KBTBD13: variants seen among roughly 807,000 people sequenced by gnomAD.
The protein encoded by KBTBD13 is kelch repeat and BTB domain-containing protein 13.
A neutral mutation model predicts 25.4 loss-of-function variants in KBTBD13; 32 were observed. The observed-to-expected ratio is 1.26, with a 90% CI of 0.95 to 1.69. The LOEUF (loss-of-function observed/expected upper bound fraction) is 1.69, where lower values mean the gene tolerates loss of function less well. KBTBD13 is among the 40% of genes most tolerant of loss of function. KBTBD13 has a pLI of 0.00. For missense variants in KBTBD13, 898 were observed against 679.5 expected (o/e 1.32, Z -3.57); for synonymous variants, 436 against 329.8 (o/e 1.32, Z -3.49).
rs770087291 is a variant in KBTBD13, at chr15:65,077,014, G to T, written c.199G>T (p.Gly67Cys). ...GFRATLQVLR[G>C]DRPALAAEDE... ...CCGCGCCACGCTGCAGGTGCTGCGC[G>T]GCGACCGGCCGGCGCTGGCGGCGGA... is the stretch of plus-strand genomic sequence containing the variant. Residue 67 changes from glycine to cysteine, a missense_variant, in exon 1 of 1, where the codon GGC (glycine) becomes TGC (cysteine). Coordinates refer to ENST00000432196, the MANE Select transcript of KBTBD13 (RefSeq NM_001101362.3). 1.3e-6 allele frequency: 2 copies of T among 1,511,532 alleles called. No individual in the cohort carries two copies. Among genetic ancestry groups the T allele is most frequent in the Admixed American group, 2.1e-5 (1 of 47,478 alleles). The allele number at this position is 1,511,532 out of a possible 1,614,324, so 93.6% of individuals were successfully genotyped here. A position where few individuals can be genotyped will look rare whatever the true frequency, so the allele number is the denominator to read the frequency against.
Position 65,077,709 on chromosome 15 carries a change from G to T in KBTBD13, c.894G>T (p.Val298=). ...ACCTGCCGCAGCCGGCCGCCGGCGT[G>T]CCCTGCGCCCAGGCTTGTGGCCGTC... The part of the protein sequence containing the change: ...VADLPQPAAG[V]PCAQACGRLF... The change falls in exon 1 of 1, where the codon GTG becomes GTT. Residue 298 remains valine (V), a synonymous_variant. Transcript: ENST00000432196. 1 of 1,585,544 alleles carries T rather than the reference G, an allele frequency of 6.3e-7. No individual in the cohort carries two copies. Among genetic ancestry groups the T allele is most frequent in the Non-Finnish European group, 8.5e-7 (1 of 1,170,744 alleles).
chr15:65,077,090 C>T lies in KBTBD13; in HGVS notation c.275C>T (p.Ala92Val), dbSNP rs1259207440. 6.6e-7 allele frequency: 1 copy of T among 1,521,952 alleles called. No individual in the cohort carries two copies. The highest frequency in any genetic ancestry group is 2.0e-5 in the Admixed American group (1 of 49,552). The allele number at this position is 1,521,952 out of a possible 1,614,324, so 94.3% of individuals were successfully genotyped here. A position where few individuals can be genotyped will look rare whatever the true frequency, so the allele number is the denominator to read the frequency against. ...VECAAFLQAP[A>V]LARFLEHNLT... ...TGCGCCGCCTTCCTCCAGGCGCCGG[C>T]GCTGGCTCGCTTTCTGGAGCACAAC... Residue 92 changes from alanine to valine, a missense_variant, in exon 1 of 1, where the codon GCG (alanine) becomes GTG (valine). Coordinates refer to ENST00000432196, the MANE Select transcript of KBTBD13 (RefSeq NM_001101362.3).
rs1269389678 is a variant in KBTBD13 at position 65,077,300 on chromosome 15, C to G, written c.485C>G (p.Thr162Arg). Residue 162 changes from threonine to arginine, a missense_variant, in exon 1 of 1, where the codon ACG (threonine) becomes AGG (arginine). By Grantham distance (71) the Thr-to-Arg change is moderately conservative. Transcript: ENST00000432196. ...LRPSSYAAVSTHTPAPGFLED... is the reference protein window; with the variant it reads ...LRPSSYAAVSRHTPAPGFLED... ...CCCAGCAGCTACGCGGCCGTGAGCA[C>G]GCACACGCCCGCGCCCGGCTTCCTG... 5.7e-6 allele frequency: 8 copies of G among 1,406,806 alleles called. No homozygotes were observed. The highest frequency in any genetic ancestry group is 7.4e-6 in the Non-Finnish European group (8 of 1,085,748). 87.1% of individuals were successfully genotyped at this position (1,406,806 alleles called of 1,614,324 possible).
Position 65,079,842 on chromosome 15 carries a change from T to C in KBTBD13, c.*1650T>C, listed in dbSNP as rs142046728. On this transcript the variant is annotated 3_prime_UTR_variant, in exon 1 of 1. Coordinates refer to ENST00000432196, the MANE Select transcript of KBTBD13 (RefSeq NM_001101362.3). ...TAGCTGCCTCTTCTCCTGGCCTATGTCCCAACCCTGGAGAATGCTGCCCTC... is the reference window on the plus strand; with the variant it reads ...TAGCTGCCTCTTCTCCTGGCCTATGCCCCAACCCTGGAGAATGCTGCCCTC... Among the ~76,000 whole-genome samples the C allele has an allele frequency of 3.2e-3, 494 of 152,314 alleles. 4 individuals are homozygous for C. The highest frequency in any genetic ancestry group is 0.01 in the Middle Eastern group (3 of 294).
Position 65,077,218 on chromosome 15 carries a change from G to T in KBTBD13, c.403G>T (p.Glu135Ter). The T allele has an allele frequency of 6.9e-7, 1 of 1,445,456 alleles. No individual in the cohort carries two copies. Among genetic ancestry groups the T allele is most frequent in the Non-Finnish European group, 9.1e-7 (1 of 1,100,758 alleles). 89.5% of individuals were successfully genotyped at this position (1,445,456 alleles called of 1,614,324 possible). The change falls in exon 1 of 1, where the codon GAG (glutamate) becomes TAG (stop). Residue 135 changes from glutamate to a stop codon, truncating the protein, a stop_gained. Coordinates refer to ENST00000432196, the MANE Select transcript of KBTBD13 (RefSeq NM_001101362.3). LOFTEE classifies it high-confidence loss of function. Reference sequence around the variant, plus strand: ...GCTCTTCATCTGCGACGGCGAGCGCGAGCTGGCGGCCGAACTGGCGCTGCC... The same window carrying T: ...GCTCTTCATCTGCGACGGCGAGCGCTAGCTGGCGGCCGAACTGGCGCTGCC... ...AALFICDGERELAAELALPEA... is the reference protein window; with the variant it reads ...AALFICDGER
In KBTBD13 at chr15:65,077,664, C is replaced by T. The variant is rs773844124; in HGVS notation, c.849C>T (p.Gly283=). 1.3e-6 allele frequency: 2 copies of T among 1,586,534 alleles called. No homozygotes were observed. Among genetic ancestry groups the T allele is most frequent in the South Asian group, 1.1e-5 (1 of 89,378 alleles). ...SSVERYDPAA[G]CWSFVADLPQ... The stretch of plus-strand genomic sequence containing the variant: ...TGGAGCGCTACGACCCAGCCGCGGG[C>T]TGCTGGAGTTTCGTGGCCGACCTGC... Residue 283 remains glycine (G), a synonymous_variant, in exon 1 of 1, where the codon GGC becomes GGT. Transcript: ENST00000432196.
At position 65,077,511 on chromosome 15, in the gene KBTBD13, C is replaced by A; in HGVS notation, c.696C>A (p.Asp232Glu). 1 of 1,524,826 alleles carries A rather than the reference C, an allele frequency of 6.6e-7. No homozygotes were observed. Among genetic ancestry groups the A allele is most frequent in the Non-Finnish European group, 8.8e-7 (1 of 1,137,064 alleles). 94.5% of individuals were successfully genotyped at this position (1,524,826 alleles called of 1,614,324 possible). A position where few individuals can be genotyped will look rare whatever the true frequency, so the allele number is the denominator to read the frequency against. Residue 232 changes from aspartate to glutamate, a missense_variant, in exon 1 of 1, where the codon GAC becomes GAA. Asp to Glu is a conservative substitution (Grantham distance 45). Coordinates refer to ENST00000432196, the MANE Select transcript of KBTBD13 (RefSeq NM_001101362.3). ...KEVVELGFCY[D>E]PDGGTWHEFP... ...TGGTAGAGCTGGGCTTCTGCTACGA[C>A]CCCGACGGCGGCACGTGGCACGAGT...
chr15:65,079,805 C>T lies in KBTBD13; in HGVS notation c.*1613C>T, dbSNP rs555683113. 6.6e-6 allele frequency among the ~76,000 whole-genome samples: 1 copy of T among 152,352 alleles called. No individual in the cohort carries two copies. The highest frequency in any genetic ancestry group is 1.9e-4 in the East Asian group (1 of 5,180). ...ACCTCCGGGGCATGGAGGCTCGCGC[C>T]AGGGCTGCACCTAGCTGCCTCTTCT... On this transcript the variant is annotated 3_prime_UTR_variant, in exon 1 of 1. Transcript: ENST00000432196.
Position 65,077,653 on chromosome 15 carries a change from C to G in KBTBD13, c.838C>G (p.Pro280Ala). 1 of 1,590,618 alleles carries G rather than the reference C, an allele frequency of 6.3e-7. No individual in the cohort carries two copies. Among genetic ancestry groups the G allele is most frequent in the Non-Finnish European group, 8.5e-7 (1 of 1,173,916 alleles). The change falls in exon 1 of 1, where the codon CCA (proline) becomes GCA (alanine). Residue 280 changes from proline to alanine, a missense_variant. Transcript: ENST00000432196. ...CATCAGCTCCGTGGAGCGCTACGAC[C>G]CAGCCGCGGGCTGCTGGAGTTTCGT... ...TPISSVERYD[P>A]AAGCWSFVAD...
chr15:65,076,758 G>A lies in KBTBD13; in HGVS notation c.-58G>A. The A allele has an allele frequency of 1.4e-6, 2 of 1,451,958 alleles. No individual in the cohort carries two copies. Among genetic ancestry groups the A allele is most frequent in the South Asian group, 1.4e-5 (1 of 72,724 alleles). 89.9% of individuals were successfully genotyped at this position (1,451,958 alleles called of 1,614,324 possible). A position where few individuals can be genotyped will look rare whatever the true frequency, so the allele number is the denominator to read the frequency against. ...AGTTTTTTGCTCCAGGGGAGCCCCA[G>A]AGTTGGTGGCTGGCTAACCCAAGGC... On this transcript the variant is annotated 5_prime_UTR_variant, in exon 1 of 1. Coordinates refer to ENST00000432196, the MANE Select transcript of KBTBD13 (RefSeq NM_001101362.3).
At position 65,079,850 on chromosome 15, in the gene KBTBD13, C is replaced by T. The variant is rs988605283; in HGVS notation, c.*1658C>T. Among the ~76,000 whole-genome samples, 3 of 152,240 alleles carry T rather than the reference C, an allele frequency of 2.0e-5. No individual in the cohort carries two copies. The highest frequency in any genetic ancestry group is 4.4e-5 in the Non-Finnish European group (3 of 68,048). ...TCTTCTCCTGGCCTATGTCCCAACC[C>T]TGGAGAATGCTGCCCTCAGAAGCCT... On this transcript the variant is annotated 3_prime_UTR_variant, in exon 1 of 1. Transcript: ENST00000432196.
Position 65,078,227 on chromosome 15 carries a change from C to T in KBTBD13, c.*35C>T, listed in dbSNP as rs768393307. On this transcript the variant is annotated 3_prime_UTR_variant, in exon 1 of 1. Transcript: ENST00000432196. Reference sequence around the variant, plus strand: ...TGGCTTTAGGAGGGAGGAGACGCCGCGACTCCTCCCTGAGCTATGGCTGAG... The same window carrying T: ...TGGCTTTAGGAGGGAGGAGACGCCGTGACTCCTCCCTGAGCTATGGCTGAG... 4.6e-6 allele frequency: 7 copies of T among 1,526,368 alleles called. No individual in the cohort carries two copies. In the African/African-American group the frequency reaches 9.6e-5, roughly 21 times the overall value. 94.6% of individuals were successfully genotyped at this position (1,526,368 alleles called of 1,614,324 possible). A position where few individuals can be genotyped will look rare whatever the true frequency, so the allele number is the denominator to read the frequency against.
In KBTBD13 at chr15:65,078,689, GAGTTGAA is replaced by G. The variant is rs1015223893; in HGVS notation, c.*498_*504del. 3.9e-5 allele frequency among the ~76,000 whole-genome samples: 6 copies of G among 152,302 alleles called. No homozygotes were observed. The highest frequency in any genetic ancestry group is 2.0e-4 in the Admixed American group (3 of 15,304). ...AGGTTTACACACAACTTGATCCACA[GAGTTGAA>G]GGCAACATGCAAAAAAATTTAAAAC... On this transcript the variant is annotated 3_prime_UTR_variant, in exon 1 of 1. Transcript: ENST00000432196.
chr15:65,079,266 T>G lies in KBTBD13; in HGVS notation c.*1074T>G, dbSNP rs1020229550. Among the ~76,000 whole-genome samples the G allele has an allele frequency of 6.6e-6, 1 of 152,186 alleles. No homozygotes were observed. Among genetic ancestry groups the G allele is most frequent in the African/African-American group, 2.4e-5 (1 of 41,440 alleles). On this transcript the variant is annotated 3_prime_UTR_variant, in exon 1 of 1. Transcript: ENST00000432196. The stretch of plus-strand genomic sequence containing the variant: ...ATTCTACAGGTTTGTTCTCTTCCTG[T>G]CCTATTCTGCCCTTTGCAATTCCCT...
chr15:65,079,147 C>T lies in KBTBD13; in HGVS notation c.*955C>T, dbSNP rs570226142. Among the ~76,000 whole-genome samples the T allele has an allele frequency of 2.4e-4, 37 of 152,328 alleles. No homozygotes were observed. The highest frequency in any genetic ancestry group is 7.0e-4 in the African/African-American group (29 of 41,566). On this transcript the variant is annotated 3_prime_UTR_variant, in exon 1 of 1. Transcript: ENST00000432196. ...GCCCACCCTGTTTTTGCCATCACCACGGGGCAGTGGACTGTTAACCCACAT... is the reference window on the plus strand; with the variant it reads ...GCCCACCCTGTTTTTGCCATCACCATGGGGCAGTGGACTGTTAACCCACAT...
Position 65,077,208 on chromosome 15 carries a change from CG to C in KBTBD13, c.395del (p.Gly132AlafsTer29). 6.9e-7 allele frequency: 1 copy of C among 1,449,778 alleles called. No homozygotes were observed. Among genetic ancestry groups the C allele is most frequent in the East Asian group, 2.9e-5 (1 of 34,990 alleles). 89.8% of individuals were successfully genotyped at this position (1,449,778 alleles called of 1,614,324 possible). A position where few individuals can be genotyped will look rare whatever the true frequency, so the allele number is the denominator to read the frequency against. On this transcript the variant is annotated frameshift_variant, in exon 1 of 1. Coordinates refer to ENST00000432196, the MANE Select transcript of KBTBD13 (RefSeq NM_001101362.3). LOFTEE classifies it high-confidence loss of function. ...FHSAALFICD[G>X]ERELAAELAL... ...ACAGTGCCGCGCTCTTCATCTGCGACGGCGAGCGCGAGCTGGCGGCCGAACT... is the reference window on the plus strand; with the variant it reads ...ACAGTGCCGCGCTCTTCATCTGCGACGCGAGCGCGAGCTGGCGGCCGAACT...
Position 65,077,374 on chromosome 15 carries a change from T to C in KBTBD13, c.559T>C (p.Trp187Arg). The C allele has an allele frequency of 6.6e-7, 1 of 1,511,380 alleles. No homozygotes were observed. The highest frequency in any genetic ancestry group is 8.8e-7 in the Non-Finnish European group (1 of 1,131,498). The allele number at this position is 1,511,380 out of a possible 1,614,324, so 93.6% of individuals were successfully genotyped here. A position where few individuals can be genotyped will look rare whatever the true frequency, so the allele number is the denominator to read the frequency against. Residue 187 changes from tryptophan (W) to arginine (R), a missense_variant, in exon 1 of 1, where the codon TGG becomes CGG. Coordinates refer to ENST00000432196, the MANE Select transcript of KBTBD13 (RefSeq NM_001101362.3). ...LCYLDEEEDA[W>R]RTLAALPLEA... ...TTACCTGGACGAGGAAGAGGACGCG[T>C]GGCGCACGCTGGCTGCGCTGCCCCT...
Position 65,077,411 on chromosome 15 carries a change from C to A in KBTBD13, c.596C>A (p.Thr199Lys). Residue 199 changes from threonine (T) to lysine (K), a missense_variant, in exon 1 of 1, where the codon ACG becomes AAG. Coordinates refer to ENST00000432196, the MANE Select transcript of KBTBD13 (RefSeq NM_001101362.3). ...GCTGCGCTGCCCCTGGAGGCCAGCA[C>A]GTTGCTGGCCGGGGTGGCCACGCTG... ...TLAALPLEAS[T>K]LLAGVATLGN... The A allele has an allele frequency of 6.6e-7, 1 of 1,526,234 alleles. No individual in the cohort carries two copies. Among genetic ancestry groups the A allele is most frequent in the South Asian group, 1.2e-5 (1 of 83,558 alleles). 94.5% of individuals were successfully genotyped at this position (1,526,234 alleles called of 1,614,324 possible). A position where few individuals can be genotyped will look rare whatever the true frequency, so the allele number is the denominator to read the frequency against.
chr15:65,077,619 G>C lies in KBTBD13; in HGVS notation c.804G>C (p.Gln268His), dbSNP rs1425763341. ...TCTACGCCATCGGCGGCGAATTCCAGAGGACGCCCATCAGCTCCGTGGAGC... is the reference window on the plus strand; with the variant it reads ...TCTACGCCATCGGCGGCGAATTCCACAGGACGCCCATCAGCTCCGTGGAGC... ...GRLYAIGGEFQRTPISSVERY... is the reference protein window; with the variant it reads ...GRLYAIGGEFHRTPISSVERY... The change falls in exon 1 of 1, where the codon CAG becomes CAC. Residue 268 changes from glutamine (Q) to histidine (H), a missense_variant. Gln to His is a conservative substitution (Grantham distance 24). Transcript: ENST00000432196. The C allele has an allele frequency of 1.3e-6, 2 of 1,587,382 alleles. No homozygotes were observed. Among genetic ancestry groups the C allele is most frequent in the Admixed American group, 3.4e-5 (2 of 58,472 alleles).
Sources: gnomAD v4.1 joint callset for allele counts (sites outside exome capture counted in the v4.1 genomes callset) on GRCh38, gnomAD v4.1.1 for gene constraint, MANE v1.5 for transcripts, NCBI Gene and HGNC (gene_info 2026-07-23, HGNC 2026-07-21) for gene names.